Variants in EDN3 observed in about 807,000 individuals in gnomAD.
EDN3 encodes the protein endothelin 3.
EDN3 carries 9 observed loss-of-function variants against 21.4 expected under a neutral mutation model. The observed-to-expected ratio is 0.42, with a 90% CI of 0.25 to 0.73. The LOEUF (loss-of-function observed/expected upper bound fraction) is 0.73, where lower values mean the gene tolerates loss of function less well. Ranked by LOEUF, EDN3 falls within the 30% of genes least tolerant of loss-of-function variation. The pLI, the probability that EDN3 is intolerant of heterozygous loss-of-function variation, is 0.26. For missense variants in EDN3, 327 were observed against 309.4 expected, an observed-to-expected ratio of 1.06 and a Z score of -0.43; for synonymous variants, 133 against 126.2, an observed-to-expected ratio of 1.05 and a Z score of -0.36.
rs1387254170 is a variant in EDN3, at chr20:59,303,804, G to C, written c.365+2082G>C. Among the ~76,000 whole-genome samples the C allele has an allele frequency of 3.3e-5, 5 of 152,112 alleles. No individual in the cohort carries two copies. In the East Asian group the frequency reaches 9.6e-4, roughly 29 times the overall value. On this transcript the variant is annotated intron_variant, in intron 2 of 4. Coordinates refer to ENST00000337938, the MANE Select transcript of EDN3 (RefSeq NM_207034.3). ...TGACTTTTTCCAGGACAGCCAACTT[G>C]ATAACTTTCCCCCTGAAGTGTGATT...
chr20:59,321,871 T>G (rs1164009176), intron 3 of EDN3, among the ~76,000 whole-genome samples: 2 of 152,226 alleles, frequency 1.3e-5, no homozygotes, highest in Non-Finnish European at 2.9e-5. Context: ...CCCAGGGGCT[T>G]TGAGCTGGTA....
rs1301593983 is a variant in EDN3 at position 59,301,642 on chromosome 20, G to A, written c.285G>A (p.Arg95=). Residue 95 remains arginine (R), a synonymous_variant, in exon 2 of 5, where the codon AGG becomes AGA. Transcript: ENST00000337938. Reference sequence around the variant, plus strand: ...GGGCCCCTGAGCACCACCGATCCAGGCGCTGCACGTGCTTCACCTACAAGG... The same window carrying A: ...GGGCCCCTGAGCACCACCGATCCAGACGCTGCACGTGCTTCACCTACAAGG... ...AEGAPEHHRS[R]RCTCFTYKDK... is the part of the protein sequence containing the mutation. 2 of 1,614,062 alleles carry A rather than the reference G, an allele frequency of 1.2e-6. No homozygotes were observed. Among genetic ancestry groups the A allele is most frequent in the African/African-American group, 1.3e-5 (1 of 74,936 alleles).
At chr20:59,312,525 A>G (rs1466639950) in intron 2 of EDN3, among the ~76,000 whole-genome samples, 1 of 152,200 alleles carries the variant, frequency 6.6e-6, no homozygotes, top group Non-Finnish European at 1.5e-5. Flanking sequence ...CTATGGTCCA[A>G]TGAGCTGATG....
chr20:59,309,196 T>C (rs6064764), intron 2 of EDN3, among the ~76,000 whole-genome samples: 33,886 of 152,056 alleles, frequency 0.22, 4,788 homozygotes, highest in Non-Finnish European at 0.31. Context: ...GTCTGTGAAA[T>C]AGGAGGTAGG....
intron 2 of EDN3, among the ~76,000 whole-genome samples, chr20:59,303,058 C>T (rs1404470941): frequency 6.6e-6 from 1 of 152,236 alleles, no homozygotes; most frequent in Non-Finnish European, 1.5e-5. Context: ...ATTGAGCCAG[C>T]AGGACACGTG....
rs11475273 is a variant in EDN3, at chr20:59,324,598, A to AC, written c.*149dup. On this transcript the variant is annotated 3_prime_UTR_variant, in exon 5 of 5. Coordinates refer to ENST00000337938, the MANE Select transcript of EDN3 (RefSeq NM_207034.3). ...ACCCAAAGAGTCCCCACTTAACAAT[A>AC]CCCCCCCCCCACGGCAAGAATGCCC... 0.026 allele frequency: 22,137 copies of AC among 857,440 alleles called. 43 individuals are homozygous for AC. The highest frequency in any genetic ancestry group is 0.039 in the East Asian group (1,221 of 31,036). The allele number at this position is 857,440 out of a possible 1,614,324, so 53.1% of individuals were successfully genotyped here. A position where few individuals can be genotyped will look rare whatever the true frequency, so the allele number is the denominator to read the frequency against.
chr20:59,324,593 A>C lies in EDN3; in HGVS notation c.*134A>C. On this transcript the variant is annotated 3_prime_UTR_variant, in exon 5 of 5. Coordinates refer to ENST00000337938, the MANE Select transcript of EDN3 (RefSeq NM_207034.3). ...CACCCACCCAAAGAGTCCCCACTTA[A>C]CAATACCCCCCCCCCACGGCAAGAA... 5 of 1,226,706 alleles carry C rather than the reference A, an allele frequency of 4.1e-6. No individual in the cohort carries two copies. The highest frequency in any genetic ancestry group is 1.8e-5 in the African/African-American group (1 of 56,800). The allele number at this position is 1,226,706 out of a possible 1,614,324, so 76.0% of individuals were successfully genotyped here. A position where few individuals can be genotyped will look rare whatever the true frequency, so the allele number is the denominator to read the frequency against.
chr20:59,318,229 C>G (rs1012965903), intron 2 of EDN3, among the ~76,000 whole-genome samples: 1 of 152,160 alleles, frequency 6.6e-6, no homozygotes, highest in South Asian at 2.1e-4. Context: ...GAGGAAGCAG[C>G]CTGGGGCATG....
At chr20:59,316,140 T>C (rs1990166722) in intron 2 of EDN3, among the ~76,000 whole-genome samples, 1 of 152,046 alleles carries the variant, frequency 6.6e-6, no homozygotes, top group Admixed American at 6.5e-5. Context: ...GAGCCAAGAT[T>C]GCGCCACTGC....
At chr20:59,318,543 A>G (rs1319064091) in intron 2 of EDN3, among the ~76,000 whole-genome samples, 1 of 152,176 alleles carries the variant, frequency 6.6e-6, no homozygotes, top group Non-Finnish European at 1.5e-5. Flanking sequence ...CTGGGCCGTC[A>G]GCTTCCCTCA....
At chr20:59,320,980 T>TG in intron 2 of EDN3, 37 bp from the exon 3 acceptor site, 4 of 1,613,462 alleles carry the variant, frequency 2.5e-6, no homozygotes, top group Non-Finnish European at 3.4e-6. Context: ...CAGGGAGGCC[T>TG]GGGTGTGCTC....
chr20:59,324,288 A>G (rs1375966063), intron 4 of EDN3, 43 bp from the exon 5 acceptor site: 1 of 1,613,580 alleles, frequency 6.2e-7, no homozygotes, highest in South Asian at 1.1e-5. Flanking sequence ...CTTTCATAAC[A>G]TACCTTTCTT....
chr20:59,311,738 A>T (rs1176265305), intron 2 of EDN3, among the ~76,000 whole-genome samples: 1 of 151,768 alleles, frequency 6.6e-6, no homozygotes, highest in Non-Finnish European at 1.5e-5. Flanking sequence ...GTCTCATCCA[A>T]TGAGTAAGAA....
chr20:59,320,015 C>T (rs889097485), intron 2 of EDN3, among the ~76,000 whole-genome samples: 2 of 152,210 alleles, frequency 1.3e-5, no homozygotes, highest in Non-Finnish European at 2.9e-5. Flanking sequence ...GCAGGCACCC[C>T]CTTTTTCTCT....
At chr20:59,323,928 G>A (rs1212007636) in intron 4 of EDN3, among the ~76,000 whole-genome samples, 1 of 152,214 alleles carries the variant, frequency 6.6e-6, no homozygotes, top group Non-Finnish European at 1.5e-5. Flanking sequence ...TATGAGTCAT[G>A]TAAAGCTCTA....
rs563633038 is a variant in EDN3 at position 59,321,827 on chromosome 20, T to C, written c.543-545T>C. On this transcript the variant is annotated intron_variant, in intron 3 of 4. Coordinates refer to ENST00000337938, the MANE Select transcript of EDN3 (RefSeq NM_207034.3). The stretch of plus-strand genomic sequence containing the variant: ...GCCTTAGGGAAGCTTGCAAATCACG[T>C]TGAATGGAACCAACAGGCAGACTCC... Among the ~76,000 whole-genome samples the C allele has an allele frequency of 5.9e-5, 9 of 152,324 alleles. No homozygotes were observed. The East Asian group carries it at 1.7e-3, about 29-fold the overall frequency.
intron 3 of EDN3, among the ~76,000 whole-genome samples, chr20:59,321,517 C>T (rs1468692055): frequency 6.6e-6 from 1 of 152,198 alleles, no homozygotes; most frequent in African/African-American, 2.4e-5. Flanking sequence ...GTTGCCAACA[C>T]TTAAAAGATT....
intron 2 of EDN3, among the ~76,000 whole-genome samples, chr20:59,320,523 C>T (rs950270136): frequency 4.6e-5 from 7 of 152,182 alleles, no homozygotes; most frequent in African/African-American, 1.7e-4. Context: ...CTCGGCTTTC[C>T]ATGGAATGAG....
chr20:59,306,322 C>T (rs886324807), intron 2 of EDN3, among the ~76,000 whole-genome samples: 1 of 152,118 alleles, frequency 6.6e-6, no homozygotes, highest in Admixed American at 6.5e-5. Flanking sequence ...CTCCAGAACC[C>T]AGAAGTGCTG....
Sources: gnomAD v4.1 joint callset for allele counts (sites outside exome capture counted in the v4.1 genomes callset) on GRCh38, gnomAD v4.1.1 for gene constraint, MANE v1.5 for transcripts, NCBI Gene and HGNC (gene_info 2026-07-23, HGNC 2026-07-21) for gene names.